The following AMY2B variants were observed in gnomAD, a reference collection of about 807,000 sequenced individuals.
AMY2B encodes the protein amylase alpha 2B, also known as alpha-amylase 2B.
A neutral mutation model predicts 59.3 loss-of-function variants in AMY2B; 63 were observed. The observed-to-expected ratio is 1.06, with a 90% confidence interval of 0.87 to 1.31. The LOEUF (loss-of-function observed/expected upper bound fraction) is 1.31, where lower values mean the gene tolerates loss of function less well. AMY2B is among the 50% of genes most tolerant of loss of function. The probability of loss-of-function intolerance (pLI) is 0.00; values close to 1 mark genes in which losing one functional copy is unlikely to be tolerated. For synonymous variants in AMY2B, 180 were observed against 198.1 expected (o/e 0.91, Z 0.77); for missense variants, 635 against 626.7 (o/e 1.01, Z -0.14).
At chr1:103,575,091 A>C (rs1652297548) in intron 5 of AMY2B, 132 bp from the exon 6 acceptor site, 5 of 1,215,690 alleles carry the variant, frequency 4.1e-6, no homozygotes, top group Non-Finnish European at 5.7e-6. Context: ...TATATCTTAC[A>C]GAATAACCAT....
intron 1 of AMY2B, among the ~76,000 whole-genome samples, chr1:103,560,522 T>G (rs541194913): frequency 1.5e-4 from 23 of 152,142 alleles, no homozygotes; most frequent in Non-Finnish European, 2.6e-4. Context: ...TCAATTTACA[T>G]TGAATTTTTT....
chr1:103,579,337 G>A lies in AMY2B; in HGVS notation c.1373G>A (p.Gly458Asp), dbSNP rs761321408. ...ACATTTTCTTTAACTTTGCAAACTG[G>A]TCTTCCTGCTGGCACATACTGTGAT... Reference protein sequence around the residue: ...DWTFSLTLQTGLPAGTYCDVI... With the variant: ...DWTFSLTLQTDLPAGTYCDVI... The change falls in exon 10 of 10, where the codon GGT becomes GAT. Residue 458 changes from glycine (G) to aspartate (D), a missense_variant. Gly to Asp is a moderately conservative substitution (Grantham distance 94). Transcript: ENST00000684275. 3 of 1,611,682 alleles carry A rather than the reference G, an allele frequency of 1.9e-6. No homozygotes were observed. The highest frequency in any genetic ancestry group is 2.5e-6 in the Non-Finnish European group (3 of 1,179,686).
At chr1:103,571,929 T>G (rs1378027333) in intron 1 of AMY2B, among the ~76,000 whole-genome samples, 159 bp downstream of exon 1, 2 of 152,176 alleles carry the variant, frequency 1.3e-5, no homozygotes, top group South Asian at 4.1e-4. Flanking sequence ...CTTGGCAACT[T>G]TATATTTTGT....
upstream of AMY2B, among the ~76,000 whole-genome samples, chr1:103,567,329 T>A (rs751182291): frequency 1.2e-4 from 18 of 152,152 alleles, no homozygotes; most frequent in Non-Finnish European, 2.4e-4. Context: ...TTCACAGGAT[T>A]GGCTGGCGGA....
At chr1:103,575,412 C>A in intron 6 of AMY2B, 29 bp from the exon 7 acceptor site, 1 of 1,612,988 alleles carries the variant, frequency 6.2e-7, no homozygotes, top group East Asian at 2.2e-5. Context: ...TTCTGATATT[C>A]TGTGATAATA....
At chr1:103,561,487 C>CA (rs1425887764) in intron 1 of AMY2B, among the ~76,000 whole-genome samples, 5 of 151,978 alleles carry the variant, frequency 3.3e-5, no homozygotes, top group Admixed American at 2.6e-4. Flanking sequence ...AGGCTGGTCT[C>CA]AAAGAGTTAA....
intron 7 of AMY2B, among the ~76,000 whole-genome samples, chr1:103,576,498 A>G (rs921560767): frequency 6.6e-6 from 1 of 152,174 alleles, no homozygotes; most frequent in Non-Finnish European, 1.5e-5. Flanking sequence ...GCTGCATGCT[A>G]AAAACTCTTA....
intron 2 of AMY2B, 77 bp downstream of exon 2, chr1:103,572,333 G>A: frequency 1.3e-6 from 2 of 1,545,522 alleles, no homozygotes; most frequent in Non-Finnish European, 1.7e-6. Flanking sequence ...CTCCTTTTCA[G>A]CAGAAAGTTT....
chr1:103,577,372 T>C, intron 7 of AMY2B, 118 bp from the exon 8 acceptor site: 1 of 1,558,376 alleles, frequency 6.4e-7, no homozygotes, highest in Non-Finnish European at 8.7e-7. Flanking sequence ...CATTGGATTC[T>C]AGATAAAGTC....
intron 4 of AMY2B, 132 bp downstream of exon 4, chr1:103,574,070 T>A (rs1204421032): frequency 2.0e-6 from 3 of 1,532,094 alleles, no homozygotes; most frequent in Non-Finnish European, 2.6e-6. Flanking sequence ...TTTAACCTCC[T>A]CTTCACATAC....
At chr1:103,578,526 G>A (rs1317259313) in intron 9 of AMY2B, among the ~76,000 whole-genome samples, 877 of 151,964 alleles carry the variant, frequency 5.8e-3, no homozygotes, top group African/African-American at 0.021. Flanking sequence ...TCTGTCCAAA[G>A]CCAACTGATA....
intron 9 of AMY2B, among the ~76,000 whole-genome samples, chr1:103,578,237 T>C: frequency 6.6e-6 from 1 of 152,232 alleles, no homozygotes; most frequent in Non-Finnish European, 1.5e-5. Flanking sequence ...AGTACTAATA[T>C]ATCTTTATTT....
At chr1:103,557,396 A>G (rs1312592971) in intron 1 of AMY2B, among the ~76,000 whole-genome samples, 2 of 152,168 alleles carry the variant, frequency 1.3e-5, no homozygotes, top group Non-Finnish European at 2.9e-5. Flanking sequence ...CACGGCTGTA[A>G]TCCCAGCACT....
chr1:103,575,428 A>T lies in AMY2B; in HGVS notation c.1002-13A>T. On this transcript the variant is annotated splice_polypyrimidine_tract_variant and intron_variant, in intron 6 of 9. Transcript: ENST00000684275. ...TCTGATATTCTGTGATAATATAATT[A>T]TGTAACTTTCAGGCTGTATAAAATG... The T allele has an allele frequency of 6.2e-7, 1 of 1,613,392 alleles. No homozygotes were observed. The highest frequency in any genetic ancestry group is 1.1e-5 in the South Asian group (1 of 90,916).
intron 9 of AMY2B, among the ~76,000 whole-genome samples, chr1:103,578,090 C>T (rs1159512388): frequency 1.3e-5 from 2 of 152,110 alleles, no homozygotes; most frequent in Non-Finnish European, 2.9e-5. Context: ...ATATCTTATG[C>T]ATATATTGAA....
At chr1:103,573,282 A>G in intron 3 of AMY2B, 22 bp downstream of exon 3, 2 of 1,613,474 alleles carry the variant, frequency 1.2e-6, no homozygotes, top group South Asian at 1.1e-5. Context: ...TATGAGAGTC[A>G]TCTGAATAAG....
intron 1 of AMY2B, among the ~76,000 whole-genome samples, chr1:103,562,863 C>A (rs926050242): frequency 6.6e-6 from 1 of 151,898 alleles, no homozygotes; most frequent in African/African-American, 2.4e-5. Context: ...CAATAGAGCT[C>A]TTTCATTTTA....
upstream of AMY2B, chr1:103,569,709 T>C (rs569242062): frequency 9.9e-6 from 4 of 403,864 alleles, no homozygotes; most frequent in African/African-American, 8.3e-5. Context: ...GGGACTCCTA[T>C]GTGGGCTACA....
At chr1:103,562,009 A>T (rs1651749794) in intron 1 of AMY2B, 1 of 152,222 alleles carries the variant, frequency 6.6e-6, no homozygotes, top group Non-Finnish European at 1.5e-5. Context: ...GAAAAAGCAA[A>T]ACCAGAACTG....
Sources: gnomAD v4.1 joint callset for allele counts (sites outside exome capture counted in the v4.1 genomes callset) on GRCh38, gnomAD v4.1.1 for gene constraint, MANE v1.5 for transcripts, NCBI Gene and HGNC (gene_info 2026-07-23, HGNC 2026-07-21) for gene names.